ADAMTS9: variants seen among roughly 807,000 people sequenced by gnomAD.
ADAMTS9 encodes the protein ADAM metallopeptidase with thrombospondin type 1 motif 9.
A neutral mutation model predicts 257.1 loss-of-function variants in ADAMTS9; 107 were observed. The observed-to-expected ratio is 0.42, with a 90% CI of 0.36 to 0.49. The LOEUF is 0.49. Among genes scored for constraint, ADAMTS9 ranks in the 20% least tolerant of loss-of-function variants. The pLI is 0.03. For missense variants in ADAMTS9, 2,353 were observed against 2,469.1 expected (o/e 0.95, Z 1.00); for synonymous variants, 982 against 880.9 (o/e 1.11, Z -2.03).
intron 28 of ADAMTS9, chr3:64,586,985 T>A (rs4393895): frequency 0.6 from 91,410 of 152,056 alleles, 29,896 homozygotes; most frequent in African/African-American, 0.88. Flanking sequence ...AAAAGCATCA[T>A]TCAAGCCTTG....
rs536748247 is a variant in ADAMTS9 at position 64,553,032 on chromosome 3, T to C, written c.4699-1970A>G. Among the ~76,000 whole-genome samples the C allele has an allele frequency of 3.4e-5, 5 of 149,126 alleles. No homozygotes were observed. The South Asian group carries it at 1.0e-3, about 31-fold the overall frequency. On this transcript the variant is annotated intron_variant, in intron 30 of 39. Coordinates refer to ENST00000498707, the MANE Select transcript of ADAMTS9 (RefSeq NM_182920.2). ...GTCTTCTATGATATGCCCTATGTCT[T>C]TTTTTTTTTGGTGATAAAATACACA...
intron 3 of ADAMTS9, among the ~76,000 whole-genome samples, chr3:64,667,897 G>GAGAAAATATTTAA (rs1305526543): frequency 6.6e-6 from 1 of 152,156 alleles, no homozygotes; most frequent in Non-Finnish European, 1.5e-5. Flanking sequence ...GAAATAACTT[G>GAGAAAATATTTAA]AGAAAATATT....
In ADAMTS9 at chr3:64,533,327, C is replaced by A; in HGVS notation, c.5614-57G>T. On this transcript the variant is annotated intron_variant, in intron 37 of 39. Coordinates refer to ENST00000498707, the MANE Select transcript of ADAMTS9 (RefSeq NM_182920.2). Reference sequence around the variant, plus strand: ...AGTCCATGTGATGTCCTCAAAAAAGCAAAGGCAAAGGTGATACAATAAAAG... The same window carrying A: ...AGTCCATGTGATGTCCTCAAAAAAGAAAAGGCAAAGGTGATACAATAAAAG... The A allele has an allele frequency of 6.8e-6, 9 of 1,324,652 alleles. No individual in the cohort carries two copies. The South Asian group carries it at 9.5e-5, about 14-fold the overall frequency. 82.1% of individuals were successfully genotyped at this position (1,324,652 alleles called of 1,614,324 possible).
At chr3:64,641,123 T>G (rs56924842) in intron 12 of ADAMTS9, among the ~76,000 whole-genome samples, 1,715 of 152,246 alleles carry the variant, frequency 0.011, 33 homozygotes, top group African/African-American at 0.039. Context: ...AATTCTTGAT[T>G]TGGGGTCCCA....
At chr3:64,530,022 C>A (rs541940597) in intron 38 of ADAMTS9, among the ~76,000 whole-genome samples, 11 of 141,096 alleles carry the variant, frequency 7.8e-5, no homozygotes, top group Non-Finnish European at 1.7e-4. Flanking sequence ...TTGGGTCTCC[C>A]TGTGTTGCCC....
intron 30 of ADAMTS9, among the ~76,000 whole-genome samples, chr3:64,558,209 A>G (rs1576015284): frequency 6.6e-6 from 1 of 152,250 alleles, no homozygotes; most frequent in Admixed American, 6.5e-5. Flanking sequence ...ATAATGATTC[A>G]GAGTGTAGGT....
chr3:64,598,071 A>C (rs2084395689), intron 26 of ADAMTS9, among the ~76,000 whole-genome samples: 1 of 152,182 alleles, frequency 6.6e-6, no homozygotes. Flanking sequence ...ATGTGAATAC[A>C]TTTTGTTGCT....
At position 64,687,659 on chromosome 3, in the gene ADAMTS9, G is replaced by C. The variant is rs377178198; in HGVS notation, c.-2C>G. On this transcript the variant is annotated 5_prime_UTR_variant, in exon 1 of 40. Transcript: ENST00000498707. The surrounding 1 kb of genome is among the most constrained non-coding windows in gnomAD (Gnocchi z 4.4). ...TGTGGCCCAGGATACAAACTGCATGGTGCTTCCCACCCCTCCCTCCGCTGC... is the reference window on the plus strand; with the variant it reads ...TGTGGCCCAGGATACAAACTGCATGCTGCTTCCCACCCCTCCCTCCGCTGC... 1 of 1,535,846 alleles carries C rather than the reference G, an allele frequency of 6.5e-7. No individual in the cohort carries two copies. Among genetic ancestry groups the C allele is most frequent in the Non-Finnish European group, 8.8e-7 (1 of 1,139,024 alleles).
At chr3:64,543,599 G>C (rs2083156093) in intron 32 of ADAMTS9, among the ~76,000 whole-genome samples, 1 of 152,082 alleles carries the variant, frequency 6.6e-6, no homozygotes, top group Admixed American at 6.6e-5. Context: ...AATAAATTAG[G>C]TATTGATGGG....
chr3:64,530,525 TTAAAA>T (rs2082966347), intron 38 of ADAMTS9, among the ~76,000 whole-genome samples: 2 of 129,420 alleles, frequency 1.5e-5, no homozygotes, highest in African/African-American at 6.7e-5. Context: ...ACACCAAGAT[TTAAAA>T]AAAAAAAAAA....
At position 64,601,904 on chromosome 3, in the gene ADAMTS9, C is replaced by T. The variant is rs779478123; in HGVS notation, c.4017+40G>A. The T allele has an allele frequency of 1.1e-5, 17 of 1,549,012 alleles. No homozygotes were observed. The East Asian group carries it at 3.8e-4, about 35-fold the overall frequency. On this transcript the variant is annotated intron_variant, in intron 26 of 39. Transcript: ENST00000498707. ...GTCTCTTTTACCCTAAACCCAACCT[C>T]AAGTGAAAGAGAAGCAAGCAAACTT...
chr3:64,669,521 G>T (rs920020278), intron 3 of ADAMTS9, among the ~76,000 whole-genome samples: 1 of 152,088 alleles, frequency 6.6e-6, no homozygotes. Flanking sequence ...AGAAGGCCTG[G>T]AATAGAAGTT....
At chr3:64,523,516 C>T (rs76182189) in intron 38 of ADAMTS9, among the ~76,000 whole-genome samples, 3,824 of 152,238 alleles carry the variant, frequency 0.025, 112 homozygotes, top group East Asian at 0.068. Context: ...TCTGCTAAGA[C>T]GTGTTGACAA....
Position 64,603,943 on chromosome 3 carries a change from C to T in ADAMTS9, c.3726G>A (p.Trp1242Ter). 6.2e-7 allele frequency: 1 copy of T among 1,614,038 alleles called. No individual in the cohort carries two copies. The highest frequency in any genetic ancestry group is 8.5e-7 in the Non-Finnish European group (1 of 1,179,964). Residue 1242 changes from tryptophan (W) to a stop codon, truncating the protein, a stop_gained, in exon 25 of 40, where the codon TGG becomes TGA. Transcript: ENST00000498707. LOFTEE classifies it high-confidence loss of function. The part of the protein sequence containing the change: ...EECSVTPCGQ[W>*]KALDWSSCSV... ...TTACAGAGCTCCAGTCCAAGGCCTTCCATTGCCCACAGGGTGTCACAGAAC... is the reference window on the plus strand; with the variant it reads ...TTACAGAGCTCCAGTCCAAGGCCTTTCATTGCCCACAGGGTGTCACAGAAC...
At chr3:64,530,200 T>C (rs2082959817) in intron 38 of ADAMTS9, among the ~76,000 whole-genome samples, 1 of 152,122 alleles carries the variant, frequency 6.6e-6, no homozygotes. Context: ...TTTAGTGGAA[T>C]GCTGGCTAAA....
intron 38 of ADAMTS9, among the ~76,000 whole-genome samples, chr3:64,526,378 A>G (rs2082910419): frequency 6.6e-6 from 1 of 152,192 alleles, no homozygotes; most frequent in African/African-American, 2.4e-5. Context: ...ATAGGATAAA[A>G]TAGTTTCTCT....
At chr3:64,685,692 C>A (rs894665599) in intron 2 of ADAMTS9, among the ~76,000 whole-genome samples, 1 of 152,202 alleles carries the variant, frequency 6.6e-6, no homozygotes, top group Non-Finnish European at 1.5e-5. Context: ...TATTTGGCAG[C>A]GCAAGAAGGC....
chr3:64,593,794 G>T (rs924302442), intron 28 of ADAMTS9, among the ~76,000 whole-genome samples: 2 of 152,148 alleles, frequency 1.3e-5, no homozygotes, highest in African/African-American at 4.8e-5. Flanking sequence ...TATGTTCAGA[G>T]CTGTACCCGA....
chr3:64,669,364 A>T (rs1701428180), intron 3 of ADAMTS9, among the ~76,000 whole-genome samples: 1 of 152,094 alleles, frequency 6.6e-6, no homozygotes, highest in South Asian at 2.1e-4. Context: ...CTTTCCAGGC[A>T]CCATCTGCAG....
Sources: gnomAD v4.1 joint callset for allele counts (sites outside exome capture counted in the v4.1 genomes callset) on GRCh38, gnomAD v4.1.1 for gene constraint, Gnocchi (gnomAD v3.1) non-coding constraint, MANE v1.5 for transcripts, NCBI Gene and HGNC (gene_info 2026-07-23, HGNC 2026-07-21) for gene names.